Variants in TMEM219 observed in about 807,000 individuals in gnomAD.
TMEM219 encodes the protein insulin-like growth factor-binding protein 3 receptor.
In TMEM219, 18 loss-of-function variants were observed where a neutral mutation model predicts 17.9. The observed-to-expected ratio is 1.01, with a 90% confidence interval of 0.70 to 1.49. The LOEUF is 1.49. TMEM219 is among the 40% of genes most tolerant of loss of function. The probability of loss-of-function intolerance (pLI) is 0.00; values close to 1 mark genes in which losing one functional copy is unlikely to be tolerated. For synonymous variants in TMEM219, 113 were observed against 124.0 expected (o/e 0.91, Z 0.59); for missense variants, 288 against 292.4 (o/e 0.99, Z 0.11).
chr16:29,969,862 G>A (rs1596581209), intron 4 of TMEM219, among the ~76,000 whole-genome samples: 1 of 152,250 alleles, frequency 6.6e-6, no homozygotes, highest in African/African-American at 2.4e-5. Flanking sequence ...GGAGGAGAGA[G>A]ATGTGCTTCC....
At chr16:29,962,431 G>A (rs2069158027) in intron 1 of TMEM219, among the ~76,000 whole-genome samples, 1 of 152,102 alleles carries the variant, frequency 6.6e-6, no homozygotes, top group South Asian at 2.1e-4. Flanking sequence ...GCGTGGGAAG[G>A]AGCACCCCAC....
chr16:29,971,554 G>C lies in TMEM219; in HGVS notation c.*9G>C. ...CTAGAACCCGGCTCTGAGGGCACTG[G>C]CCTAGTTCCCGACTTGTTTCTCAGG... On this transcript the variant is annotated 3_prime_UTR_variant, in exon 5 of 6. Coordinates refer to ENST00000279396, the MANE Select transcript of TMEM219 (RefSeq NM_001083613.2). 6.2e-7 allele frequency: 1 copy of C among 1,610,834 alleles called. No individual in the cohort carries two copies. Among genetic ancestry groups the C allele is most frequent in the Non-Finnish European group, 8.5e-7 (1 of 1,179,422 alleles).
Position 29,963,532 on chromosome 16 carries a change from AG to A in TMEM219, c.300del (p.Asn101ThrfsTer17). 6.2e-7 allele frequency: 1 copy of A among 1,614,188 alleles called. No homozygotes were observed. Among genetic ancestry groups the A allele is most frequent in the Non-Finnish European group, 8.5e-7 (1 of 1,180,026 alleles). ...TTLNFGDGPD[R>X]NKTRTFQATV... The stretch of plus-strand genomic sequence containing the variant: ...CTTGAACTTCGGAGACGGTCCAGAC[AG>A]GAACAAGACCCGGACATTCCAGGCC... On this transcript the variant is annotated frameshift_variant, in exon 3 of 6. Transcript: ENST00000279396. LOFTEE classifies it high-confidence loss of function.
At chr16:29,971,637 A>C (rs1215771930) in intron 5 of TMEM219, 59 bp downstream of exon 5, 2 of 1,426,842 alleles carry the variant, frequency 1.4e-6, no homozygotes, top group Admixed American at 1.8e-5. Context: ...TGGGGGTTGT[A>C]ACCGGGGTAG....
chr16:29,966,402 CTT>C (rs2069213175), intron 3 of TMEM219, among the ~76,000 whole-genome samples: 1 of 151,880 alleles, frequency 6.6e-6, no homozygotes, highest in South Asian at 2.1e-4. Context: ...GTTTTTTTAA[CTT>C]ATCTTTCATT....
chr16:29,969,549 C>T (rs2069256170), intron 4 of TMEM219, among the ~76,000 whole-genome samples: 1 of 151,306 alleles, frequency 6.6e-6, no homozygotes, highest in Non-Finnish European at 1.5e-5. Context: ...TGTGGTGGTA[C>T]ACACCTATAG....
chr16:29,971,364 G>T, intron 4 of TMEM219, 44 bp from the exon 5 acceptor site: 1 of 1,612,814 alleles, frequency 6.2e-7, no homozygotes, highest in Non-Finnish European at 8.5e-7. Context: ...CCCTTGGACT[G>T]GATTAACATG....
At chr16:29,962,341 C>T (rs1439624811) in intron 1 of TMEM219, among the ~76,000 whole-genome samples, 1 of 152,142 alleles carries the variant, frequency 6.6e-6, no homozygotes, top group Non-Finnish European at 1.5e-5. Context: ...CCTACATTTC[C>T]GTGGCTCCCT....
intron 3 of TMEM219, among the ~76,000 whole-genome samples, chr16:29,964,593 G>A (rs879667712): frequency 5.9e-5 from 9 of 152,108 alleles, no homozygotes; most frequent in African/African-American, 1.2e-4. Flanking sequence ...CCTGGGAGGC[G>A]GAGGTTGCAA....
Position 29,963,449 on chromosome 16 carries a change from G to T in TMEM219, c.215G>T (p.Arg72Met). 1.2e-6 allele frequency: 2 copies of T among 1,614,222 alleles called. No individual in the cohort carries two copies. Among genetic ancestry groups the T allele is most frequent in the Non-Finnish European group, 1.7e-6 (2 of 1,180,034 alleles). ...TTTGGCCAGCTGACCCTGTGTCCCA[G>T]GAATGGGACAGTCACAGGGAAGTGG... The part of the protein sequence containing the change: ...RSFGQLTLCP[R>M]NGTVTGKWRG... The change falls in exon 3 of 6, where the codon AGG (arginine) becomes ATG (methionine). Residue 72 changes from arginine (R) to methionine (M), a missense_variant. Physicochemically the swap from Arg to Met is moderately conservative, Grantham distance 91. Coordinates refer to ENST00000279396, the MANE Select transcript of TMEM219 (RefSeq NM_001083613.2).
chr16:29,970,249 GA>G (rs2069266076), intron 4 of TMEM219, among the ~76,000 whole-genome samples: 1 of 149,678 alleles, frequency 6.7e-6, no homozygotes, highest in Non-Finnish European at 1.5e-5. Context: ...AAGAAAAAAA[GA>G]AAAGACCCCA....
chr16:29,971,826 G>A (rs2069293502), intron 5 of TMEM219: 1 of 303,914 alleles, frequency 3.3e-6, no homozygotes, highest in African/African-American at 2.2e-5. Flanking sequence ...AAGTCCAATA[G>A]TATAAAAGGA....
chr16:29,967,945 T>C (rs1246454095), intron 3 of TMEM219, 80 bp from the exon 4 acceptor site: 18 of 1,080,444 alleles, frequency 1.7e-5, no homozygotes, highest in Non-Finnish European at 1.6e-5. Context: ...AAAAAGAAAA[T>C]ACAAGAAAAG....
chr16:29,971,712 C>A, intron 5 of TMEM219, 134 bp downstream of exon 5: 1 of 794,744 alleles, frequency 1.3e-6, no homozygotes, highest in Non-Finnish European at 1.9e-6. Context: ...TCTTCAACCA[C>A]AGCTCTCCCT....
intron 3 of TMEM219, among the ~76,000 whole-genome samples, chr16:29,965,670 G>A (rs2069203739): frequency 6.6e-6 from 1 of 151,890 alleles, no homozygotes; most frequent in African/African-American, 2.4e-5. Flanking sequence ...GGCAGGGCTT[G>A]CAGTAAACAT....
intron 3 of TMEM219, among the ~76,000 whole-genome samples, chr16:29,966,643 C>T (rs930620112): frequency 2.0e-5 from 3 of 151,924 alleles, no homozygotes; most frequent in Non-Finnish European, 2.9e-5. Flanking sequence ...GATGAAACCC[C>T]GTCTCTACTA....
At chr16:29,965,564 C>CAAAAAAAAAA (rs35045736) in intron 3 of TMEM219, among the ~76,000 whole-genome samples, 17 of 82,818 alleles carry the variant, frequency 2.1e-4, no homozygotes, top group African/African-American at 2.4e-4. Context: ...ACTAAAAATA[C>CAAAAAAAAAA]AAAAAAAAAA....
At chr16:29,962,963 C>A in intron 1 of TMEM219, 144 bp from the exon 2 acceptor site, 1 of 706,348 alleles carries the variant, frequency 1.4e-6, no homozygotes, top group Non-Finnish European at 2.4e-6. Flanking sequence ...GGGAGTTGAA[C>A]TTTTGGAGTC....
Position 29,963,567 on chromosome 16 carries a change from G to A in TMEM219, c.333G>A (p.Leu111=). ...CCCGGACATTCCAGGCCACAGTCCTGGGAAGTCAGATGGGATTGAAAGGTG... is the reference window on the plus strand; with the variant it reads ...CCCGGACATTCCAGGCCACAGTCCTAGGAAGTCAGATGGGATTGAAAGGTG... ...NKTRTFQATV[L]GSQMGLKGSS... The change falls in exon 3 of 6, where the codon CTG becomes CTA. Residue 111 remains leucine (L), a synonymous_variant. Coordinates refer to ENST00000279396, the MANE Select transcript of TMEM219 (RefSeq NM_001083613.2). 2 of 1,614,014 alleles carry A rather than the reference G, an allele frequency of 1.2e-6. No individual in the cohort carries two copies. Among genetic ancestry groups the A allele is most frequent in the South Asian group, 1.1e-5 (1 of 91,072 alleles).
Sources: allele counts gnomAD v4.1 joint callset (sites outside exome capture counted in the v4.1 genomes callset), GRCh38; gene constraint gnomAD v4.1.1; transcripts MANE v1.5; gene names NCBI Gene and HGNC (gene_info 2026-07-23, HGNC 2026-07-21).